CHODL: variants seen among roughly 807,000 people sequenced by gnomAD.
The protein encoded by CHODL is transmembrane protein MT75.
Under a neutral mutation model 34.5 loss-of-function variants are expected in CHODL, and 29 were observed. The ratio of observed to expected loss-of-function variants is 0.84; its 90% CI spans 0.63 to 1.15. The LOEUF (loss-of-function observed/expected upper bound fraction) is 1.15, where lower values mean the gene tolerates loss of function less well. CHODL is among the 50% of genes most tolerant of loss of function. CHODL has a pLI of 0.00. For synonymous variants in CHODL, 125 were observed against 116.1 expected, an observed-to-expected ratio of 1.08 and a Z score of -0.49; for missense variants, 332 against 332.5, an observed-to-expected ratio of 1.00 and a Z score of 0.01.
intron 2 of CHODL, among the ~76,000 whole-genome samples, chr21:18,174,771 C>A (rs1300176176): frequency 6.6e-6 from 1 of 152,040 alleles, no homozygotes; most frequent in Non-Finnish European, 1.5e-5. Context: ...TTATTTTGTG[C>A]CACAGATGTA....
intron 2 of CHODL, among the ~76,000 whole-genome samples, chr21:18,101,354 G>A (rs1616278): frequency 0.46 from 69,429 of 151,522 alleles, 16,606 homozygotes; most frequent in Non-Finnish European, 0.51. Flanking sequence ...TATCAGCAAC[G>A]TGAAAATGGA....
intron 1 of CHODL, among the ~76,000 whole-genome samples, chr21:18,251,801 C>G (rs1430348290): frequency 7.1e-6 from 1 of 141,636 alleles, no homozygotes; most frequent in East Asian, 2.0e-4. Context: ...AAAGAAGCCT[C>G]TTTTATATAA....
intron 2 of CHODL, among the ~76,000 whole-genome samples, chr21:18,194,209 A>C (rs1332774921): frequency 6.6e-6 from 1 of 152,170 alleles, no homozygotes; most frequent in Non-Finnish European, 1.5e-5. Flanking sequence ...TCAAATCATC[A>C]TATCCTTTCA....
At chr21:18,132,713 A>G (rs997216459) in intron 2 of CHODL, among the ~76,000 whole-genome samples, 1 of 152,122 alleles carries the variant, frequency 6.6e-6, no homozygotes, top group Admixed American at 6.6e-5. Flanking sequence ...GTTCTTATCT[A>G]TTCAGATCTT....
intron 2 of CHODL, among the ~76,000 whole-genome samples, chr21:18,237,819 C>T (rs1203350158): frequency 1.3e-5 from 2 of 152,152 alleles, no homozygotes; most frequent in Admixed American, 6.5e-5. Context: ...TTCCCATCTA[C>T]TGTTTATTTA....
intron 2 of CHODL, among the ~76,000 whole-genome samples, chr21:18,166,082 CTTTCT>C (rs2073149441): frequency 6.6e-6 from 1 of 152,188 alleles, no homozygotes; most frequent in Non-Finnish European, 1.5e-5. Context: ...AGGCCGCACC[CTTTCT>C]GGAGATAGGA....
chr21:18,243,949 C>G (rs2074105668), upstream of CHODL, among the ~76,000 whole-genome samples: 1 of 152,296 alleles, frequency 6.6e-6, no homozygotes, highest in Middle Eastern at 3.4e-3. Flanking sequence ...ACCAATTCTA[C>G]TGAAGCTCAT....
rs778777155 is a variant in CHODL at position 18,256,652 on chromosome 21, G to A, written c.223G>A (p.Ala75Thr). 4 of 1,613,976 alleles carry A rather than the reference G, an allele frequency of 2.5e-6. No individual in the cohort carries two copies. Among genetic ancestry groups the A allele is most frequent in the Non-Finnish European group, 3.4e-6 (4 of 1,180,018 alleles). ...GGVLLSLENE[A>T]EQKLIESMLQ... ...AGTCCTCCTCAGCCTTGAGAATGAAGCAGAACAGAAGTTAATAGAGAGCAT... is the reference window on the plus strand; with the variant it reads ...AGTCCTCCTCAGCCTTGAGAATGAAACAGAACAGAAGTTAATAGAGAGCAT... The change falls in exon 2 of 6, where the codon GCA (alanine) becomes ACA (threonine). Residue 75 changes from alanine to threonine, a missense_variant. By Grantham distance (58) the Ala-to-Thr change is moderately conservative. Transcript: ENST00000299295.
At chr21:17,946,073 C>T (rs1245063630) in intron 1 of CHODL, among the ~76,000 whole-genome samples, 4 of 151,932 alleles carry the variant, frequency 2.6e-5, no homozygotes, top group Non-Finnish European at 4.4e-5. Context: ...AAAAAAAAAC[C>T]TATTAGCATT....
In CHODL at chr21:18,129,231, A is replaced by T. The variant is rs966009415; in HGVS notation, c.-45+101260A>T. ...AATTTTTATTTTAATAAGACTAGATATCTTATTGAAATTCACCACAAACTT... is the reference window on the plus strand; with the variant it reads ...AATTTTTATTTTAATAAGACTAGATTTCTTATTGAAATTCACCACAAACTT... On this transcript the variant is annotated intron_variant, in intron 2 of 6. Coordinates refer to the CHODL transcript ENST00000400127. Among the ~76,000 whole-genome samples, 10 of 151,638 alleles carry T rather than the reference A, an allele frequency of 6.6e-5. 1 individual carries two copies. The highest frequency in any genetic ancestry group is 2.4e-4 in the African/African-American group (10 of 41,198).
chr21:17,930,202 GC>G lies in CHODL; in HGVS notation c.-145+12806del, dbSNP rs1024515448. ...GGAGGAAGGTGTGAGTGGGCCAAAG[GC>G]CCCACAGCTGTTAGCTTTCACTGCT... On this transcript the variant is annotated intron_variant, in intron 1 of 6. Coordinates refer to the CHODL transcript ENST00000400127. Among the ~76,000 whole-genome samples the G allele has an allele frequency of 2.0e-5, 3 of 152,042 alleles. 1 individual carries two copies. The highest frequency in any genetic ancestry group is 2.0e-4 in the Admixed American group (3 of 15,278).
Position 18,246,057 on chromosome 21 carries a change from T to G in CHODL, c.79+755T>G. 3.4e-6 allele frequency: 3 copies of G among 881,632 alleles called. No individual in the cohort carries two copies. In the South Asian group the frequency reaches 4.2e-5, roughly 12 times the overall value. The allele number at this position is 881,632 out of a possible 1,614,324, so 54.6% of individuals were successfully genotyped here. Reference sequence around the variant, plus strand: ...CCCAGGTTGTCTTTGATTTTTCTTTTTTTGACTCTCACTGTCCTGTCGTTG... The same window carrying G: ...CCCAGGTTGTCTTTGATTTTTCTTTGTTTGACTCTCACTGTCCTGTCGTTG... On this transcript the variant is annotated intron_variant, in intron 1 of 5. Coordinates refer to ENST00000299295, the MANE Select transcript of CHODL (RefSeq NM_024944.3).
intron 1 of CHODL, among the ~76,000 whole-genome samples, chr21:17,951,636 A>T (rs574560789): frequency 1.3e-5 from 2 of 152,344 alleles, no homozygotes; most frequent in African/African-American, 4.8e-5. Context: ...GAGATATTTG[A>T]ATGTATAAAA....
chr21:18,146,724 A>G (rs998175139), intron 2 of CHODL, among the ~76,000 whole-genome samples: 5 of 152,156 alleles, frequency 3.3e-5, no homozygotes, highest in Admixed American at 1.3e-4. Flanking sequence ...TTTTACCGAT[A>G]TCTCTCATCT....
chr21:18,036,924 A>G (rs934447874), intron 2 of CHODL, among the ~76,000 whole-genome samples: 6 of 151,956 alleles, frequency 3.9e-5, no homozygotes, highest in African/African-American at 1.2e-4. Flanking sequence ...ATTAACCAAT[A>G]ATATTTTATC....
chr21:18,055,224 G>A (rs940120816), intron 2 of CHODL, among the ~76,000 whole-genome samples: 2 of 151,972 alleles, frequency 1.3e-5, no homozygotes, highest in African/African-American at 2.4e-5. Context: ...AGCTTATATA[G>A]AGAATTTAAA....
chr21:17,987,064 A>AT (rs2063759215), intron 1 of CHODL, among the ~76,000 whole-genome samples: 1 of 152,248 alleles, frequency 6.6e-6, no homozygotes, highest in African/African-American at 2.4e-5. Flanking sequence ...AGAAAAGTTA[A>AT]TTTTTTCTGT....
intron 2 of CHODL, among the ~76,000 whole-genome samples, chr21:18,182,551 C>T (rs1163792422): frequency 6.6e-6 from 1 of 152,128 alleles, no homozygotes; most frequent in African/African-American, 2.4e-5. Flanking sequence ...AAAAAAGGAT[C>T]TGTTGGTCCT....
At chr21:18,147,205 G>A (rs2072901679) in intron 2 of CHODL, among the ~76,000 whole-genome samples, 1 of 152,190 alleles carries the variant, frequency 6.6e-6, no homozygotes, top group Non-Finnish European at 1.5e-5. Context: ...AGTACACTTG[G>A]TTAGTAATGT....
Sources: allele counts gnomAD v4.1 joint callset (sites outside exome capture counted in the v4.1 genomes callset), GRCh38; gene constraint gnomAD v4.1.1; transcripts MANE v1.5; gene names NCBI Gene and HGNC (gene_info 2026-07-23, HGNC 2026-07-21).